KRT6A: variants seen among roughly 807,000 people sequenced by gnomAD.
KRT6A encodes the protein keratin, type II cytoskeletal 6A.
KRT6A carries 28 observed loss-of-function variants against 48.6 expected under a neutral mutation model. The observed-to-expected ratio is 0.58, with a 90% CI of 0.43 to 0.79. KRT6A has a LOEUF of 0.79. Ranked by LOEUF, KRT6A falls within the 30% of genes least tolerant of loss-of-function variation. The pLI, the probability that KRT6A is intolerant of heterozygous loss-of-function variation, is 0.00. For synonymous variants in KRT6A, 301 were observed against 294.2 expected (o/e 1.02, Z -0.24); for missense variants, 687 against 724.3 (o/e 0.95, Z 0.59).
chr12:52,491,641 C>G lies in KRT6A; in HGVS notation c.636G>C (p.Pro212=). The G allele has an allele frequency of 6.2e-7, 1 of 1,614,238 alleles. No homozygotes were observed. Among genetic ancestry groups the G allele is most frequent in the Non-Finnish European group, 8.5e-7 (1 of 1,180,044 alleles). The change falls in exon 2 of 9, where the codon CCG becomes CCC. Residue 212 remains proline (P), a synonymous_variant. Coordinates refer to ENST00000330722, the MANE Select transcript of KRT6A (RefSeq NM_005554.4). Reference sequence around the variant, plus strand: ...GGTTGTTGATGTACTGCTCGAACAACGGCTCCAGGTTCTGCCTCACAGTCT... The same window carrying G: ...GGTTGTTGATGTACTGCTCGAACAAGGGCTCCAGGTTCTGCCTCACAGTCT... ...GTKTVRQNLE[P]LFEQYINNLR... is the part of the protein sequence containing the mutation.
intron 1 of KRT6A, 68 bp downstream of exon 1, chr12:52,492,581 C>A: frequency 6.2e-7 from 1 of 1,613,186 alleles, no homozygotes; most frequent in Non-Finnish European, 8.5e-7. Context: ...GTCTCCCTGG[C>A]AGGAAGGTGT....
Position 52,490,743 on chromosome 12 carries a change from A to C in KRT6A, c.913-10T>G. On this transcript the variant is annotated splice_polypyrimidine_tract_variant and intron_variant, in intron 4 of 8. Coordinates refer to ENST00000330722, the MANE Select transcript of KRT6A (RefSeq NM_005554.4). ...GCATCTGGGACAGCTCCTGCAGAAC[A>C]GAAGGTCATAAGATCAACTTCACTT... 6.2e-7 allele frequency: 1 copy of C among 1,614,182 alleles called. No homozygotes were observed.
rs531878584 is a variant in KRT6A, at chr12:52,491,858, G to A, written c.541-122C>T. ...GCTGGGCTACTACAGTGCATGTAGA[G>A]AGGCTCAGGCTGAGCTCTGCTCCCC... On this transcript the variant is annotated intron_variant, in intron 1 of 8. Coordinates refer to ENST00000330722, the MANE Select transcript of KRT6A (RefSeq NM_005554.4). 589 of 1,306,412 alleles carry A rather than the reference G, an allele frequency of 4.5e-4. 1 individual carries two copies. The African/African-American group carries it at 6.7e-3, about 15-fold the overall frequency. The allele number at this position is 1,306,412 out of a possible 1,614,324, so 80.9% of individuals were successfully genotyped here.
intron 5 of KRT6A, chr12:52,490,298 T>A: frequency 1.0e-6 from 1 of 966,886 alleles, no homozygotes; most frequent in South Asian, 1.6e-5. Flanking sequence ...AGAAATGTTC[T>A]GTACCAATTT....
intron 6 of KRT6A, among the ~76,000 whole-genome samples, chr12:52,489,577 C>T (rs759021863): frequency 9.9e-5 from 15 of 152,220 alleles, no homozygotes; most frequent in Non-Finnish European, 2.1e-4. Flanking sequence ...CTGGACAAGG[C>T]TGTATGTTTT....
chr12:52,488,614 G>T, intron 6 of KRT6A, 66 bp from the exon 7 acceptor site: 1 of 1,476,938 alleles, frequency 6.8e-7, no homozygotes, highest in Non-Finnish European at 9.0e-7. Context: ...AACCTGGCTG[G>T]TTATTTCCTA....
At position 52,491,624 on chromosome 12, in the gene KRT6A, A is replaced by G. The variant is rs757497115; in HGVS notation, c.653T>C (p.Ile218Thr). 2 of 1,614,068 alleles carry G rather than the reference A, an allele frequency of 1.2e-6. No homozygotes were observed. The highest frequency in any genetic ancestry group is 3.3e-5 in the Admixed American group (2 of 60,022). The change falls in exon 2 of 9, where the codon ATC becomes ACC. Residue 218 changes from isoleucine (I) to threonine (T), a missense_variant. Physicochemically the swap from Ile to Thr is moderately conservative, Grantham distance 89. Around this residue, in one of 3 missense-constraint regions of KRT6A, gnomAD observed 566 missense variants for 565.3 expected, o/e 1.00. Transcript: ENST00000330722. Reference protein sequence around the residue: ...QNLEPLFEQYINNLRRQLDSI... With the variant: ...QNLEPLFEQYTNNLRRQLDSI... ...GTCCAGCTGCCTCCTGAGGTTGTTG[A>G]TGTACTGCTCGAACAACGGCTCCAG...
chr12:52,491,625 T>C lies in KRT6A; in HGVS notation c.652A>G (p.Ile218Val), dbSNP rs1224942770. ...QNLEPLFEQY[I>V]NNLRRQLDSI... Reference sequence around the variant, plus strand: ...TCCAGCTGCCTCCTGAGGTTGTTGATGTACTGCTCGAACAACGGCTCCAGG... The same window carrying C: ...TCCAGCTGCCTCCTGAGGTTGTTGACGTACTGCTCGAACAACGGCTCCAGG... The change falls in exon 2 of 9, where the codon ATC (isoleucine) becomes GTC (valine). Residue 218 changes from isoleucine to valine, a missense_variant. Ile to Val is a conservative substitution (Grantham distance 29). Around this residue, in one of 3 missense-constraint regions of KRT6A, gnomAD observed 566 missense variants for 565.3 expected, o/e 1.00. Coordinates refer to ENST00000330722, the MANE Select transcript of KRT6A (RefSeq NM_005554.4). The C allele has an allele frequency of 6.2e-7, 1 of 1,614,042 alleles. No homozygotes were observed. Among genetic ancestry groups the C allele is most frequent in the East Asian group, 2.2e-5 (1 of 44,896 alleles).
rs1592186972 is a variant in KRT6A at position 52,493,256 on chromosome 12, C to T, written c.-68G>A. The T allele has an allele frequency of 1.9e-6, 3 of 1,609,886 alleles. No homozygotes were observed. The highest frequency in any genetic ancestry group is 1.7e-6 in the Non-Finnish European group (2 of 1,178,078). ...GAGGAGAGAGGGAAGAGAAGCAGGACTAGGAATCAGGCTCGGGGCAGCAGC... is the reference window on the plus strand; with the variant it reads ...GAGGAGAGAGGGAAGAGAAGCAGGATTAGGAATCAGGCTCGGGGCAGCAGC... On this transcript the variant is annotated 5_prime_UTR_variant, in exon 1 of 9. Coordinates refer to ENST00000330722, the MANE Select transcript of KRT6A (RefSeq NM_005554.4).
Position 52,493,223 on chromosome 12 carries a change from A to G in KRT6A, c.-35T>C, listed in dbSNP as rs1021836214. 3.1e-6 allele frequency: 5 copies of G among 1,613,850 alleles called. No individual in the cohort carries two copies. The African/African-American group carries it at 6.7e-5, about 22-fold the overall frequency. ...AGATGAGAGAGCTGAGGAGAGTGTG[A>G]GAGGCTGGAGGAGAGAGGGAAGAGA... is the stretch of plus-strand genomic sequence containing the variant. On this transcript the variant is annotated 5_prime_UTR_variant, in exon 1 of 9. Transcript: ENST00000330722.
rs767557297 is a variant in KRT6A at position 52,487,751 on chromosome 12, G to C, written c.1664C>G (p.Ser555Cys). ...GSSTIKYTTT[S>C]SSSRKSYKH is the part of the protein sequence containing the mutation. ...CTTATAGCTCTTCCTGCTGGAGGAG[G>C]AGGTGGTGGTGTACTTGATGGTGGA... The change falls in exon 9 of 9, where the codon TCC becomes TGC. Residue 555 changes from serine to cysteine, a missense_variant. Ser to Cys is a moderately radical substitution (Grantham distance 112). Around this residue, in one of 3 missense-constraint regions of KRT6A, gnomAD observed 566 missense variants for 565.3 expected, o/e 1.00. Coordinates refer to ENST00000330722, the MANE Select transcript of KRT6A (RefSeq NM_005554.4). 3.7e-6 allele frequency: 6 copies of C among 1,614,132 alleles called. No individual in the cohort carries two copies. The highest frequency in any genetic ancestry group is 5.1e-6 in the Non-Finnish European group (6 of 1,180,010).
At position 52,493,166 on chromosome 12, in the gene KRT6A, A is replaced by G; in HGVS notation, c.23T>C (p.Ile8Thr). The stretch of plus-strand genomic sequence containing the variant: ...CCGGCGGCTGCTGCTGTGGCTCCTG[A>G]TGGTGGTGGATGTGCTGGCCATGGT... The part of the protein sequence containing the change: MASTSTT[I>T]RSHSSSRRGF... Residue 8 changes from isoleucine (I) to threonine (T), a missense_variant, in exon 1 of 9, where the codon ATC (isoleucine) becomes ACC (threonine). Ile to Thr is a moderately conservative substitution (Grantham distance 89). Around this residue, in one of 3 missense-constraint regions of KRT6A, gnomAD observed 72 missense variants for 61.8 expected, o/e 1.17. Transcript: ENST00000330722. 2.5e-6 allele frequency: 4 copies of G among 1,614,084 alleles called. No homozygotes were observed. The highest frequency in any genetic ancestry group is 3.4e-6 in the Non-Finnish European group (4 of 1,180,018).
chr12:52,491,796 A>G (rs1938271575), intron 1 of KRT6A, 60 bp from the exon 2 acceptor site: 8 of 1,604,248 alleles, frequency 5.0e-6, no homozygotes, highest in Non-Finnish European at 6.8e-6. Flanking sequence ...AGTGTCTGGT[A>G]TCCGGTTTCC....
In KRT6A at chr12:52,493,195, A is replaced by C. The variant is rs1484456414; in HGVS notation, c.-7T>G. ...TGGTGGATGTGCTGGCCATGGTTCC[A>C]GGAGATGAGAGAGCTGAGGAGAGTG... is the stretch of plus-strand genomic sequence containing the variant. On this transcript the variant is annotated 5_prime_UTR_variant, in exon 1 of 9. Coordinates refer to ENST00000330722, the MANE Select transcript of KRT6A (RefSeq NM_005554.4). 2 of 1,614,016 alleles carry C rather than the reference A, an allele frequency of 1.2e-6. No individual in the cohort carries two copies. The highest frequency in any genetic ancestry group is 1.7e-5 in the Admixed American group (1 of 60,010).
At chr12:52,490,242 C>T in intron 5 of KRT6A, 174 bp from the exon 6 acceptor site, 1 of 1,275,788 alleles carries the variant, frequency 7.8e-7, no homozygotes, top group Non-Finnish European at 1.1e-6. Flanking sequence ...GAGTCACAGA[C>T]CATCCTCATT....
Position 52,492,717 on chromosome 12 carries a change from G to T in KRT6A, c.472C>A (p.Arg158=), listed in dbSNP as rs201896183. The part of the protein sequence containing the change: ...LNLQIDPTIQ[R]VRAEEREQIK... ...TGTTCACGCTCCTCAGCCCGCACCC[G>T]CTGGATGGTGGGATCGATTTGCAGG... Residue 158 remains arginine (R), a synonymous_variant, in exon 1 of 9, where the codon CGG becomes AGG. Transcript: ENST00000330722. 1 of 1,614,010 alleles carries T rather than the reference G, an allele frequency of 6.2e-7. No homozygotes were observed. Among genetic ancestry groups the T allele is most frequent in the Non-Finnish European group, 8.5e-7 (1 of 1,179,960 alleles).
chr12:52,492,154 G>A (rs1406077458), intron 1 of KRT6A, among the ~76,000 whole-genome samples: 1 of 152,198 alleles, frequency 6.6e-6, no homozygotes, highest in African/African-American at 2.4e-5. Flanking sequence ...ATTTGTGCAA[G>A]TCTCTCCTCT....
chr12:52,492,528 T>C lies in KRT6A; in HGVS notation c.540+121A>G, dbSNP rs547448939. On this transcript the variant is annotated intron_variant, in intron 1 of 8. Transcript: ENST00000330722. ...GCTGGGCACCAGCAGCCATCTGCAC[T>C]CTCTGCAGAGCTGGGCTGAGTCCTC... is the stretch of plus-strand genomic sequence containing the variant. 4.8e-5 allele frequency: 75 copies of C among 1,567,248 alleles called. No homozygotes were observed. In the South Asian group the frequency reaches 7.5e-4, roughly 16 times the overall value.
chr12:52,488,633 G>GT (rs1320644741), intron 6 of KRT6A, 85 bp from the exon 7 acceptor site: 21 of 1,544,062 alleles, frequency 1.4e-5, no homozygotes, highest in African/African-American at 4.1e-5. Flanking sequence ...TAGTGAAGGG[G>GT]CCAGGAGCCC....
Sources: gnomAD v4.1 joint callset for allele counts (sites outside exome capture counted in the v4.1 genomes callset) on GRCh38, gnomAD v4.1.1 for gene constraint, gnomAD v4.1.1 regional missense constraint, MANE v1.5 for transcripts, NCBI Gene and HGNC (gene_info 2026-07-23, HGNC 2026-07-21) for gene names.